The following SCAPER variants were observed in gnomAD, a reference collection of about 807,000 sequenced individuals.
SCAPER encodes the protein S-phase cyclin A associated protein in the ER.
A neutral mutation model predicts 182.2 loss-of-function variants in SCAPER; 98 were observed. The observed-to-expected ratio is 0.54, with a 90% CI of 0.46 to 0.64. SCAPER has a LOEUF of 0.64. SCAPER is among the 30% of genes least tolerant of loss of function. SCAPER has a pLI of 0.00. For missense variants in SCAPER, 1,432 were observed against 1,690.0 expected (o/e 0.85, Z 2.68); for synonymous variants, 605 against 564.6 (o/e 1.07, Z -1.01).
At chr15:76,367,676 T>C (rs900037461) in intron 29 of SCAPER, among the ~76,000 whole-genome samples, 1 of 152,092 alleles carries the variant, frequency 6.6e-6, no homozygotes, top group African/African-American at 2.4e-5. Context: ...ATGTATCTAG[T>C]GTGAGCATGC....
In SCAPER at chr15:76,713,991, C is replaced by T. The variant is rs80342903; in HGVS notation, c.2166-8007G>A. Among the ~76,000 whole-genome samples, 1,372 of 152,030 alleles carry T rather than the reference C, an allele frequency of 9.0e-3. 8 individuals carry two copies. The highest frequency in any genetic ancestry group is 0.014 in the Non-Finnish European group (974 of 67,986). ...AAAAAACTGGAGATAATCCAAATGT[C>T]TCAAAGAGGTAAAAGGACTGTAATT... On this transcript the variant is annotated intron_variant, in intron 17 of 31. Coordinates refer to ENST00000563290, the MANE Select transcript of SCAPER (RefSeq NM_020843.4).
chr15:76,882,809 C>T (rs1350118723), intron 2 of SCAPER, among the ~76,000 whole-genome samples: 1 of 152,198 alleles, frequency 6.6e-6, no homozygotes, highest in African/African-American at 2.4e-5. Context: ...GGACTACAGG[C>T]GCCCACCACC....
At chr15:76,387,622 A>T (rs1484716053) in intron 27 of SCAPER, among the ~76,000 whole-genome samples, 1 of 152,192 alleles carries the variant, frequency 6.6e-6, no homozygotes, top group Non-Finnish European at 1.5e-5. Context: ...ATGAAAAGAA[A>T]CCAGCAAAGG....
intron 24 of SCAPER, among the ~76,000 whole-genome samples, chr15:76,473,027 C>T (rs1172126703): frequency 6.6e-6 from 1 of 152,098 alleles, no homozygotes; most frequent in African/African-American, 2.4e-5. Flanking sequence ...AGATGGAGCC[C>T]CCCAAAAAGA....
chr15:76,660,001 C>T (rs2055998999), intron 21 of SCAPER, among the ~76,000 whole-genome samples: 1 of 152,114 alleles, frequency 6.6e-6, no homozygotes, highest in African/African-American at 2.4e-5. Context: ...AAATGCCTAT[C>T]AATGGGAGAG....
At chr15:76,524,689 G>GTTTTTTTT (rs35944222) in intron 23 of SCAPER, among the ~76,000 whole-genome samples, 4 of 50,116 alleles carry the variant, frequency 8.0e-5, no homozygotes, top group African/African-American at 2.5e-4. Flanking sequence ...TTTTTGTTCT[G>GTTTTTTTT]TTTTTTTTTT....
intron 29 of SCAPER, among the ~76,000 whole-genome samples, chr15:76,373,877 G>A (rs950241006): frequency 6.6e-6 from 1 of 151,826 alleles, no homozygotes; most frequent in African/African-American, 2.4e-5. Flanking sequence ...TGTGACTTCC[G>A]AGTTCTTGGG....
At chr15:76,530,128 T>C (rs894964760) in intron 23 of SCAPER, among the ~76,000 whole-genome samples, 3 of 152,196 alleles carry the variant, frequency 2.0e-5, no homozygotes, top group African/African-American at 7.2e-5. Flanking sequence ...TAAGTTCTAT[T>C]TTGAAAACAG....
At chr15:76,691,798 C>A (rs976542275) in intron 20 of SCAPER, among the ~76,000 whole-genome samples, 1 of 152,110 alleles carries the variant, frequency 6.6e-6, no homozygotes, top group East Asian at 1.9e-4. Flanking sequence ...CTTCTGTACA[C>A]ATGATATCAC....
intron 27 of SCAPER, among the ~76,000 whole-genome samples, chr15:76,394,244 T>A (rs2043898690): frequency 6.6e-6 from 1 of 152,162 alleles, no homozygotes; most frequent in Non-Finnish European, 1.5e-5. Flanking sequence ...CAGCTTGGTA[T>A]AAGGAGAGAT....
chr15:76,802,264 C>A (rs780746089), intron 6 of SCAPER, among the ~76,000 whole-genome samples: 1 of 152,082 alleles, frequency 6.6e-6, no homozygotes, highest in East Asian at 1.9e-4. Context: ...GGATTAGACC[C>A]GGTATAGGCT....
At chr15:76,781,673 A>C (rs2064152128) in intron 8 of SCAPER, among the ~76,000 whole-genome samples, 1 of 152,260 alleles carries the variant, frequency 6.6e-6, no homozygotes, top group Non-Finnish European at 1.5e-5. Context: ...GAAGCCCATC[A>C]GACTAACAGT....
intron 25 of SCAPER, among the ~76,000 whole-genome samples, chr15:76,460,565 T>C (rs969679227): frequency 1.3e-5 from 2 of 152,158 alleles, no homozygotes; most frequent in African/African-American, 2.4e-5. Context: ...TTCACTAAAA[T>C]TGGAAAATAT....
At chr15:76,759,914 T>G (rs2062675261) in intron 14 of SCAPER, among the ~76,000 whole-genome samples, 1 of 152,198 alleles carries the variant, frequency 6.6e-6, no homozygotes, top group Non-Finnish European at 1.5e-5. Flanking sequence ...TACCGGTCTG[T>G]AGTTTTCCCC....
At position 76,583,643 on chromosome 15, in the gene SCAPER, A is replaced by G. The variant is rs535019353; in HGVS notation, c.2712-9359T>C. Among the ~76,000 whole-genome samples the G allele has an allele frequency of 3.9e-5, 6 of 152,360 alleles. 1 individual carries two copies. The highest frequency in any genetic ancestry group is 1.4e-4 in the African/African-American group (6 of 41,590). ...ATAGACATTTCTCAAGAGAAGACATACAAATGGCACACAGGTATATGAAAA... is the reference window on the plus strand; with the variant it reads ...ATAGACATTTCTCAAGAGAAGACATGCAAATGGCACACAGGTATATGAAAA... On this transcript the variant is annotated intron_variant, in intron 22 of 31. Coordinates refer to ENST00000563290, the MANE Select transcript of SCAPER (RefSeq NM_020843.4).
intron 23 of SCAPER, among the ~76,000 whole-genome samples, chr15:76,509,901 G>T (rs117767174): frequency 0.068 from 10,324 of 152,150 alleles, 394 homozygotes; most frequent in Middle Eastern, 0.11. Flanking sequence ...ACAGAACAGA[G>T]AACCCAGAAA....
intron 20 of SCAPER, among the ~76,000 whole-genome samples, chr15:76,693,796 G>A (rs1029363726): frequency 3.3e-5 from 5 of 152,094 alleles, no homozygotes; most frequent in African/African-American, 1.2e-4. Context: ...CATAGAGACA[G>A]AAATTAGAAT....
At chr15:76,544,810 T>C (rs910406694) in intron 23 of SCAPER, among the ~76,000 whole-genome samples, 7 of 152,306 alleles carry the variant, frequency 4.6e-5, no homozygotes, top group Admixed American at 2.0e-4. Context: ...GTAACTTGTA[T>C]GGTATATGAA....
chr15:76,505,253 A>G (rs1157465965), intron 23 of SCAPER, among the ~76,000 whole-genome samples: 1 of 152,190 alleles, frequency 6.6e-6, no homozygotes, highest in African/African-American at 2.4e-5. Flanking sequence ...GTGGGATCAC[A>G]TCAAGTTAAA....
Sources: gnomAD v4.1 joint callset for allele counts (sites outside exome capture counted in the v4.1 genomes callset) on GRCh38, gnomAD v4.1.1 for gene constraint, MANE v1.5 for transcripts, NCBI Gene and HGNC (gene_info 2026-07-23, HGNC 2026-07-21) for gene names.